Variants in MYO19 observed in about 807,000 individuals in gnomAD.
The protein encoded by MYO19 is myosin XIX.
A neutral mutation model predicts 129.2 loss-of-function variants in MYO19; 132 were observed. That is an observed-to-expected ratio of 1.02 (90% CI 0.89 to 1.18). The LOEUF is 1.18. Among genes scored for constraint, MYO19 ranks in the 50% most tolerant of loss-of-function variants. The pLI is 0.00. For synonymous variants in MYO19, 531 were observed against 477.2 expected (o/e 1.11, Z -1.47); for missense variants, 1,210 against 1,216.7 (o/e 0.99, Z 0.08).
At chr17:36,544,379 G>C (rs2074223435), upstream of MYO19, among the ~76,000 whole-genome samples, 1 of 152,170 alleles carries the variant, frequency 6.6e-6, no homozygotes, top group African/African-American at 2.4e-5. Context: ...TCCCACCGTG[G>C]GAAGCGAATT....
At chr17:36,500,684 GA>G in intron 23 of MYO19, 145 bp downstream of exon 23, 1 of 1,159,324 alleles carries the variant, frequency 8.6e-7, no homozygotes, top group African/African-American at 1.5e-5. Flanking sequence ...GGGGGACAGG[GA>G]ATTTGAATCC....
chr17:36,507,915 T>G lies in MYO19; in HGVS notation c.1241A>C (p.Asp414Ala). The part of the protein sequence containing the change: ...DSWTTFIGLL[D>A]VYGFESFPDN... ...AGGAAATGATTCAAATCCATACACA[T>G]CCAGCAGGCCTGGGAAGATGGCAGA... is the stretch of plus-strand genomic sequence containing the variant. Residue 414 changes from aspartate (D) to alanine (A), a missense_variant, in exon 15 of 26, where the codon GAT (aspartate) becomes GCT (alanine). Physicochemically the swap from Asp to Ala is moderately radical, Grantham distance 126 (BLOSUM62 -2). Transcript: ENST00000614623. 2 of 1,605,270 alleles carry G rather than the reference T, an allele frequency of 1.2e-6. No homozygotes were observed. Among genetic ancestry groups the G allele is most frequent in the Middle Eastern group, 1.7e-4 (1 of 6,034 alleles).
intron 13 of MYO19, chr17:36,509,356 T>A (rs2072156753): frequency 1.7e-6 from 1 of 592,130 alleles, no homozygotes; most frequent in African/African-American, 1.9e-5. Flanking sequence ...CACACAAACC[T>A]GGCATGTCCT....
chr17:36,544,342 C>A (rs1163088165), upstream of MYO19, among the ~76,000 whole-genome samples: 1 of 152,202 alleles, frequency 6.6e-6, no homozygotes, highest in Non-Finnish European at 1.5e-5. Context: ...CCTGGCGAGC[C>A]GCGGTGTCAG....
chr17:36,498,691 T>C, intron 24 of MYO19, 132 bp from the exon 25 acceptor site: 1 of 1,058,552 alleles, frequency 9.4e-7, no homozygotes, highest in Non-Finnish European at 1.3e-6. Context: ...AACAGCTGGC[T>C]GCCCTGAACC....
At chr17:36,506,852 G>C in intron 17 of MYO19, 111 bp downstream of exon 17, 1 of 1,320,694 alleles carries the variant, frequency 7.6e-7, no homozygotes, top group African/African-American at 1.5e-5. Context: ...CTGGATTCTG[G>C]GAGGAGGTTC....
intron 6 of MYO19, among the ~76,000 whole-genome samples, chr17:36,522,218 A>G (rs945649475): frequency 6.6e-6 from 1 of 152,016 alleles, no homozygotes; most frequent in Non-Finnish European, 1.5e-5. Context: ...ACCACTAAAG[A>G]ATATGGTTTG....
At chr17:36,506,912 A>G in intron 17 of MYO19, 51 bp downstream of exon 17, 2 of 1,484,676 alleles carry the variant, frequency 1.3e-6, no homozygotes, top group Non-Finnish European at 1.8e-6. Flanking sequence ...CATAGCAAAG[A>G]CCCAGCATCT....
At chr17:36,498,974 G>A (rs759524752) in intron 24 of MYO19, 101 bp downstream of exon 24, 52 of 944,328 alleles carry the variant, frequency 5.5e-5, no homozygotes, top group Non-Finnish European at 8.3e-5. Context: ...ACCTGCCCAA[G>A]GCCACCTGCA....
At chr17:36,542,698 CAAA>C (rs71159613) in intron 1 of MYO19, among the ~76,000 whole-genome samples, 6 of 127,688 alleles carry the variant, frequency 4.7e-5, no homozygotes, top group Admixed American at 7.6e-5. Context: ...GACTCCGTCT[CAAA>C]AAAAAAAAAA....
Position 36,515,161 on chromosome 17 carries a change from T to C in MYO19, c.569A>G (p.Asn190Ser). The change falls in exon 8 of 26, where the codon AAT becomes AGT. Residue 190 changes from asparagine (N) to serine (S), a missense_variant. Physicochemically the swap from Asn to Ser is conservative, Grantham distance 46. Coordinates refer to ENST00000614623, the MANE Select transcript of MYO19 (RefSeq NM_001163735.2). The stretch of plus-strand genomic sequence containing the variant: ...CTTCCCAAAGCGACTGCTGTTGTTA[T>C]TCCTCAGTGTACACGCATTCCCTAC... The part of the protein sequence containing the change: ...EAFGNACTLR[N>S]NNSSRFGKFI... 1 of 1,612,962 alleles carries C rather than the reference T, an allele frequency of 6.2e-7. No homozygotes were observed. Among genetic ancestry groups the C allele is most frequent in the South Asian group, 1.1e-5 (1 of 90,672 alleles).
intron 14 of MYO19, 127 bp from the exon 15 acceptor site, chr17:36,508,051 G>T: frequency 9.5e-7 from 1 of 1,050,340 alleles, no homozygotes; most frequent in Non-Finnish European, 1.3e-6. Flanking sequence ...ATCAGGCTGA[G>T]TGAGCATGAC....
rs1211994689 is a variant in MYO19, at chr17:36,505,383, G to T, written c.1819C>A (p.Gln607Lys). Reference protein sequence around the residue: ...KFKASLEQLLQVLHSTTPHYI... With the variant: ...KFKASLEQLLKVLHSTTPHYI... Reference sequence around the variant, plus strand: ...TGGGGCGTGGTGCTGTGTAGGACCTGCAGAAGCTGCTCCAGTGAGGCCTGC... The same window carrying T: ...TGGGGCGTGGTGCTGTGTAGGACCTTCAGAAGCTGCTCCAGTGAGGCCTGC... Residue 607 changes from glutamine to lysine, a missense_variant, in exon 19 of 26, where the codon CAG (glutamine) becomes AAG (lysine). Physicochemically the swap from Gln to Lys is moderately conservative, Grantham distance 53 (BLOSUM62 1). Coordinates refer to ENST00000614623, the MANE Select transcript of MYO19 (RefSeq NM_001163735.2). 1 of 1,614,072 alleles carries T rather than the reference G, an allele frequency of 6.2e-7. No individual in the cohort carries two copies. The highest frequency in any genetic ancestry group is 8.5e-7 in the Non-Finnish European group (1 of 1,180,012).
intron 21 of MYO19, 39 bp from the exon 22 acceptor site, chr17:36,501,274 T>A (rs958061977): frequency 1.3e-6 from 2 of 1,572,328 alleles, no homozygotes; most frequent in African/African-American, 2.7e-5. Context: ...CATGGTCATC[T>A]CTACATGCCT....
At chr17:36,514,877 G>A (rs373727977) in intron 8 of MYO19, among the ~76,000 whole-genome samples, 3 of 152,212 alleles carry the variant, frequency 2.0e-5, no homozygotes, top group East Asian at 1.9e-4. Context: ...AAGAGTAAAA[G>A]CCAGGAGGAA....
chr17:36,527,830 G>T, intron 4 of MYO19, 131 bp from the exon 5 acceptor site: 1 of 1,156,492 alleles, frequency 8.6e-7, no homozygotes, highest in Non-Finnish European at 1.2e-6. Flanking sequence ...GCAGCTCCCT[G>T]AAGAAAAGAT....
At chr17:36,514,901 A>G (rs1293237833) in intron 8 of MYO19, among the ~76,000 whole-genome samples, 2 of 152,194 alleles carry the variant, frequency 1.3e-5, no homozygotes, top group African/African-American at 4.8e-5. Context: ...AGGCCTGAAT[A>G]AGCGCACTGC....
rs2071954563 is a variant in MYO19, at chr17:36,507,052, T to C, written c.1555A>G (p.Asn519Asp). Residue 519 changes from asparagine to aspartate, a missense_variant, in exon 17 of 26, where the codon AAT becomes GAT. Transcript: ENST00000614623. The stretch of plus-strand genomic sequence containing the variant: ...AAGCTGGGCTCCCGGCTGAGCTTAT[T>C]GTGGCCCAGGCAGGGGCTGCCTGCC... ...ALAGSPCLGHNKLSREPSFIV... is the reference protein window; with the variant it reads ...ALAGSPCLGHDKLSREPSFIV... 3 of 1,613,522 alleles carry C rather than the reference T, an allele frequency of 1.9e-6. No individual in the cohort carries two copies. Among genetic ancestry groups the C allele is most frequent in the South Asian group, 1.1e-5 (1 of 91,084 alleles).
chr17:36,541,316 G>A (rs1181641128), intron 2 of MYO19, among the ~76,000 whole-genome samples: 2 of 152,352 alleles, frequency 1.3e-5, no homozygotes, highest in South Asian at 4.1e-4. Flanking sequence ...GTGTGCCGAA[G>A]ATGACAACCA....
Sources: allele counts gnomAD v4.1 joint callset (sites outside exome capture counted in the v4.1 genomes callset), GRCh38; gene constraint gnomAD v4.1.1; transcripts MANE v1.5; gene names NCBI Gene and HGNC (gene_info 2026-07-23, HGNC 2026-07-21).